VIPR2: variants seen among roughly 807,000 people sequenced by gnomAD.
VIPR2 encodes the protein vasoactive intestinal peptide receptor 2, also known as vasoactive intestinal polypeptide receptor 2.
In VIPR2, 48 loss-of-function variants were observed where a neutral mutation model predicts 58.0. That is an observed-to-expected ratio of 0.83 (90% CI 0.66 to 1.05). The LOEUF (loss-of-function observed/expected upper bound fraction) is 1.05. Ranked by LOEUF, VIPR2 falls within the 50% of genes least tolerant of loss-of-function variation. The pLI, the probability that VIPR2 is intolerant of heterozygous loss-of-function variation, is 0.00. For synonymous variants in VIPR2, 243 were observed against 235.2 expected (o/e 1.03, Z -0.30); for missense variants, 534 against 558.0 (o/e 0.96, Z 0.43).
At chr7:159,085,867 G>A (rs1358867300) in intron 4 of VIPR2, among the ~76,000 whole-genome samples, 1 of 152,196 alleles carries the variant, frequency 6.6e-6, no homozygotes, top group Non-Finnish European at 1.5e-5. Flanking sequence ...GGGACGAAGA[G>A]GCGGAGCACA....
chr7:159,098,734 G>A lies in VIPR2; in HGVS notation c.357+5023C>T, dbSNP rs1386633860. Among the ~76,000 whole-genome samples, 1 of 152,212 alleles carries A rather than the reference G, an allele frequency of 6.6e-6. No homozygotes were observed. Among genetic ancestry groups the A allele is most frequent in the Non-Finnish European group, 1.5e-5 (1 of 68,032 alleles). ...ACATGTAGCCAAGTCTGTGGCTTCT[G>A]TGGAGGCTAATTTTTTTTCTCGAAT... On this transcript the variant is annotated intron_variant, in intron 4 of 12. Coordinates refer to ENST00000262178, the MANE Select transcript of VIPR2 (RefSeq NM_003382.5). The surrounding 1 kb of genome is among the most constrained non-coding windows in gnomAD (Gnocchi z 5.2).
chr7:159,076,641 G>C (rs1856650367), intron 4 of VIPR2, among the ~76,000 whole-genome samples: 1 of 151,952 alleles, frequency 6.6e-6, no homozygotes, highest in African/African-American at 2.4e-5. Flanking sequence ...CCTCTGGATG[G>C]CATTTCCAAA....
At position 159,029,715 on chromosome 7, in the gene VIPR2, T is replaced by A. The variant is rs1388898041; in HGVS notation, c.*901A>T. On this transcript the variant is annotated 3_prime_UTR_variant, in exon 13 of 13. Coordinates refer to ENST00000262178, the MANE Select transcript of VIPR2 (RefSeq NM_003382.5). ...CTGAGGGTCCCACGGAACACCTGTGTGGAGAGGTCCCCTCCTTCATGACCT... is the reference window on the plus strand; with the variant it reads ...CTGAGGGTCCCACGGAACACCTGTGAGGAGAGGTCCCCTCCTTCATGACCT... 6.6e-6 allele frequency: 1 copy of A among 152,234 alleles called. No homozygotes were observed. Among genetic ancestry groups the A allele is most frequent in the Non-Finnish European group, 1.5e-5 (1 of 68,078 alleles). 9.4% of individuals were successfully genotyped at this position (152,234 alleles called of 1,614,324 possible).
At chr7:159,103,618 TG>T in intron 4 of VIPR2, 138 bp downstream of exon 4, 1 of 673,684 alleles carries the variant, frequency 1.5e-6, no homozygotes, top group South Asian at 1.9e-5. Context: ...TCGCTTAACT[TG>T]GAAAGCAGAA....
intron 3 of VIPR2, among the ~76,000 whole-genome samples, chr7:159,104,272 A>C (rs1585505554): frequency 7.7e-6 from 1 of 129,644 alleles, no homozygotes; most frequent in Non-Finnish European, 1.7e-5. Context: ...CCAGGCCCTC[A>C]CCACCGACAG....
At chr7:159,040,915 C>T (rs1267009578) in intron 6 of VIPR2, among the ~76,000 whole-genome samples, 1 of 152,206 alleles carries the variant, frequency 6.6e-6, no homozygotes, top group African/African-American at 2.4e-5. Flanking sequence ...CATGCTTTTC[C>T]CTTTGCCTCT....
Position 159,131,511 on chromosome 7 carries a change from T to C in VIPR2, c.151+10935A>G, listed in dbSNP as rs554805534. Among the ~76,000 whole-genome samples, 3 of 152,314 alleles carry C rather than the reference T, an allele frequency of 2.0e-5. No homozygotes were observed. In the South Asian group the frequency reaches 6.2e-4, roughly 32 times the overall value. On this transcript the variant is annotated intron_variant, in intron 2 of 12. Coordinates refer to ENST00000262178, the MANE Select transcript of VIPR2 (RefSeq NM_003382.5). ...AAACGCAGATTTACTGGGTACCAAC[T>C]AAAGTCTCAGCATGTGGCCATTTGC...
At chr7:159,056,663 G>A (rs976255945) in intron 5 of VIPR2, among the ~76,000 whole-genome samples, 1 of 152,186 alleles carries the variant, frequency 6.6e-6, no homozygotes, top group Non-Finnish European at 1.5e-5. Context: ...ATAAGAACAT[G>A]GCTACTGAAG....
intron 4 of VIPR2, among the ~76,000 whole-genome samples, chr7:159,072,896 C>T (rs149759737): frequency 5.9e-4 from 90 of 152,238 alleles, no homozygotes; most frequent in African/African-American, 1.9e-3. Context: ...AAAACTTCAA[C>T]GAAATGGTAA....
intron 5 of VIPR2, among the ~76,000 whole-genome samples, chr7:159,047,771 G>A (rs1854745471): frequency 6.6e-6 from 1 of 152,198 alleles, no homozygotes; most frequent in African/African-American, 2.4e-5. Context: ...ACAAGACAAT[G>A]AACTTAATGA....
chr7:159,106,491 CGGGG>C (rs1858662268), intron 3 of VIPR2, among the ~76,000 whole-genome samples: 1 of 97,490 alleles, frequency 1.0e-5, no homozygotes, highest in African/African-American at 4.2e-5. Flanking sequence ...AGAGAGAGGC[CGGGG>C]AGGGGCAGAG....
In VIPR2 at chr7:159,098,573, TGC is replaced by T. The variant is rs1410923528; in HGVS notation, c.357+5182_357+5183del. Among the ~76,000 whole-genome samples the T allele has an allele frequency of 6.6e-6, 1 of 152,012 alleles. No homozygotes were observed. Among genetic ancestry groups the T allele is most frequent in the Non-Finnish European group, 1.5e-5 (1 of 67,988 alleles). On this transcript the variant is annotated intron_variant, in intron 4 of 12. Coordinates refer to ENST00000262178, the MANE Select transcript of VIPR2 (RefSeq NM_003382.5). The surrounding 1 kb of genome is among the most constrained non-coding windows in gnomAD (Gnocchi z 5.2). ...AGGCCCAGACCATGGCCACGGCTGG[TGC>T]GGCCCCTTGGGCTCCAGGTCCAGAT...
At chr7:159,059,767 GTACTCACTTCAACTACCACC>G (rs1563282703) in intron 4 of VIPR2, among the ~76,000 whole-genome samples, 1 of 87,788 alleles carries the variant, frequency 1.1e-5, no homozygotes. Context: ...TATCTAACCC[GTACTCACTTCAACTACCACC>G]CTCACCTCAC....
chr7:159,097,167 T>A lies in VIPR2; in HGVS notation c.357+6590A>T. 1 of 1,444,910 alleles carries A rather than the reference T, an allele frequency of 6.9e-7. No individual in the cohort carries two copies. 89.5% of individuals were successfully genotyped at this position (1,444,910 alleles called of 1,614,324 possible). A position where few individuals can be genotyped will look rare whatever the true frequency, so the allele number is the denominator to read the frequency against. ...ATCTGCAGTGCCAGCTGCTGTGATC[T>A]TTGTCACCAGGGATGGGAGCCCTGG... On this transcript the variant is annotated intron_variant, in intron 4 of 12. Transcript: ENST00000262178. This position sits in a 1 kb window ranked among gnomAD's most constrained non-coding sequence, Gnocchi z 5.3.
At chr7:159,137,982 A>C (rs1483419270) in intron 2 of VIPR2, among the ~76,000 whole-genome samples, 1 of 152,258 alleles carries the variant, frequency 6.6e-6, no homozygotes, top group Non-Finnish European at 1.5e-5. Context: ...CGTGGATGCC[A>C]AAACTGCTCG....
intron 2 of VIPR2, among the ~76,000 whole-genome samples, chr7:159,141,679 T>G (rs1231743977): frequency 6.6e-6 from 1 of 152,274 alleles, no homozygotes; most frequent in Non-Finnish European, 1.5e-5. Flanking sequence ...TTCTTTTTAC[T>G]CATTGTAATG....
At chr7:159,124,197 T>C (rs1471211381) in intron 2 of VIPR2, among the ~76,000 whole-genome samples, 2 of 152,224 alleles carry the variant, frequency 1.3e-5, no homozygotes, top group East Asian at 3.8e-4. Flanking sequence ...TTGCTTTTGG[T>C]GTCTTTGTTA....
chr7:159,062,893 G>A (rs1348082868), intron 4 of VIPR2, among the ~76,000 whole-genome samples: 1 of 152,120 alleles, frequency 6.6e-6, no homozygotes, highest in Non-Finnish European at 1.5e-5. Flanking sequence ...TGATTGGTGC[G>A]TTTACAATCC....
intron 2 of VIPR2, among the ~76,000 whole-genome samples, chr7:159,130,608 A>G (rs555430146): frequency 6.5e-4 from 99 of 152,130 alleles, no homozygotes; most frequent in Non-Finnish European, 1.0e-3. Context: ...ACTACTGCCT[A>G]GCACCCCCCA....
Sources: gnomAD v4.1 joint callset for allele counts (sites outside exome capture counted in the v4.1 genomes callset) on GRCh38, gnomAD v4.1.1 for gene constraint, Gnocchi (gnomAD v3.1) non-coding constraint, MANE v1.5 for transcripts, NCBI Gene and HGNC (gene_info 2026-07-23, HGNC 2026-07-21) for gene names.